IKBKB: variants seen among roughly 807,000 people sequenced by gnomAD.
The protein encoded by IKBKB is inhibitor of nuclear factor kappa-B kinase subunit beta.
IKBKB carries 42 observed loss-of-function variants against 113.6 expected under a neutral mutation model. The observed-to-expected ratio is 0.37, with a 90% CI of 0.29 to 0.48. The LOEUF (loss-of-function observed/expected upper bound fraction) is 0.48, where lower values mean the gene tolerates loss of function less well. Ranked by LOEUF, IKBKB falls within the 20% of genes least tolerant of loss-of-function variation. IKBKB has a pLI of 0.99. For missense variants in IKBKB, 673 were observed against 939.7 expected, an observed-to-expected ratio of 0.72 and a Z score of 3.71; for synonymous variants, 296 against 361.3, an observed-to-expected ratio of 0.82 and a Z score of 2.05.
chr8:42,314,436 C>T lies in IKBKB; in HGVS notation c.800+7C>T. On this transcript the variant is annotated splice_region_variant and intron_variant, in intron 9 of 21. Coordinates refer to ENST00000520810, the MANE Select transcript of IKBKB (RefSeq NM_001556.3). ...ACCCCAATAATCTTAACAGGTAAGG[C>T]ACAGCGGCATTACACGAATACATAT... is the stretch of plus-strand genomic sequence containing the variant. The T allele has an allele frequency of 6.6e-7, 1 of 1,525,236 alleles. No individual in the cohort carries two copies. The highest frequency in any genetic ancestry group is 1.1e-5 in the South Asian group (1 of 89,226). 94.5% of individuals were successfully genotyped at this position (1,525,236 alleles called of 1,614,324 possible).
intron 2 of IKBKB, among the ~76,000 whole-genome samples, chr8:42,274,015 C>T (rs993403054): frequency 2.0e-5 from 3 of 152,004 alleles, no homozygotes; most frequent in African/African-American, 7.3e-5. Context: ...TTTCTTCTGG[C>T]TATTTTGAAA....
chr8:42,312,016 A>T (rs1817806622), intron 8 of IKBKB, among the ~76,000 whole-genome samples: 2 of 152,054 alleles, frequency 1.3e-5, no homozygotes, highest in African/African-American at 4.8e-5. Flanking sequence ...CCTCCCGAGT[A>T]GCTGGGACTA....
At chr8:42,288,795 G>C in intron 3 of IKBKB, 67 bp downstream of exon 3, 1 of 1,332,784 alleles carries the variant, frequency 7.5e-7, no homozygotes, top group Non-Finnish European at 1.0e-6. Context: ...GTCTAGAAAG[G>C]AGAGTCTTGC....
chr8:42,283,495 A>G (rs1438971855), intron 2 of IKBKB, among the ~76,000 whole-genome samples: 1 of 152,220 alleles, frequency 6.6e-6, no homozygotes, highest in Non-Finnish European at 1.5e-5. Flanking sequence ...GAGGCAGCAG[A>G]GCCAGGGTCA....
intron 5 of IKBKB, among the ~76,000 whole-genome samples, chr8:42,299,389 C>A (rs529980097): frequency 2.0e-5 from 3 of 152,338 alleles, no homozygotes; most frequent in African/African-American, 7.2e-5. Flanking sequence ...CCATCACAGT[C>A]CACTCTTAGA....
chr8:42,317,675 T>C lies in IKBKB; in HGVS notation c.1144T>C (p.Leu382=), dbSNP rs1222745303. 1 of 1,612,922 alleles carries C rather than the reference T, an allele frequency of 6.2e-7. No homozygotes were observed. Among genetic ancestry groups the C allele is most frequent in the East Asian group, 2.2e-5 (1 of 44,868 alleles). ...SDGKLNEGHT[L]DMDLVFLFDN... ...TTTGCAGTTAAATGAGGGCCACACATTGGACATGGATCTTGTTTTTCTCTT... is the reference window on the plus strand; with the variant it reads ...TTTGCAGTTAAATGAGGGCCACACACTGGACATGGATCTTGTTTTTCTCTT... Residue 382 remains leucine, a synonymous_variant, in exon 12 of 22, where the codon TTG becomes CTG. Coordinates refer to ENST00000520810, the MANE Select transcript of IKBKB (RefSeq NM_001556.3).
chr8:42,330,943 A>C lies in IKBKB; in HGVS notation c.2235A>C (p.Glu745Asp), dbSNP rs774504811. Residue 745 changes from glutamate (E) to aspartate (D), a missense_variant, in exon 22 of 22, where the codon GAA (glutamate) becomes GAC (aspartate). Glu to Asp is a conservative substitution (Grantham distance 45). Transcript: ENST00000520810. ...TAGACTGGAGCTGGTTACAGACGGA[A>C]GAAGAAGAGCACAGCTGCCTGGAGC... ...TALDWSWLQTEEEEHSCLEQA... is the reference protein window; with the variant it reads ...TALDWSWLQTDEEEHSCLEQA... 4 of 1,614,218 alleles carry C rather than the reference A, an allele frequency of 2.5e-6. No individual in the cohort carries two copies. The highest frequency in any genetic ancestry group is 3.4e-6 in the Non-Finnish European group (4 of 1,180,014).
chr8:42,281,130 C>T (rs1810293426), intron 2 of IKBKB, among the ~76,000 whole-genome samples: 1 of 152,136 alleles, frequency 6.6e-6, no homozygotes, highest in Non-Finnish European at 1.5e-5. Flanking sequence ...GAGCTGGGTT[C>T]CCTGTCCGCA....
intron 4 of IKBKB, among the ~76,000 whole-genome samples, chr8:42,292,032 T>G (rs1812757005): frequency 6.6e-6 from 1 of 152,186 alleles, no homozygotes; most frequent in Non-Finnish European, 1.5e-5. Context: ...TCCCTGGAGA[T>G]AGGCATGTCC....
At chr8:42,318,723 T>A (rs1819188450) in intron 13 of IKBKB, 48 bp downstream of exon 13, 3 of 1,533,568 alleles carry the variant, frequency 2.0e-6, no homozygotes, top group South Asian at 1.2e-5. Context: ...TAAAATTCCT[T>A]GGTGGCTTTG....
intron 2 of IKBKB, among the ~76,000 whole-genome samples, chr8:42,280,977 A>C (rs891771707): frequency 6.6e-5 from 10 of 152,118 alleles, no homozygotes; most frequent in Non-Finnish European, 1.2e-4. Flanking sequence ...CCAGGAAAAA[A>C]GGGTCCCTGC....
chr8:42,272,482 A>T, intron 2 of IKBKB: 1 of 529,090 alleles, frequency 1.9e-6, no homozygotes, highest in Non-Finnish European at 3.3e-6. Context: ...AATATCATGT[A>T]CTAATATATA....
In IKBKB at chr8:42,316,647, G is replaced by A. The variant is rs1818729861; in HGVS notation, c.931-63G>A. 2 of 1,474,138 alleles carry A rather than the reference G, an allele frequency of 1.4e-6. No homozygotes were observed. Among genetic ancestry groups the A allele is most frequent in the African/African-American group, 2.8e-5 (2 of 72,186 alleles). 91.3% of individuals were successfully genotyped at this position (1,474,138 alleles called of 1,614,324 possible). A position where few individuals can be genotyped will look rare whatever the true frequency, so the allele number is the denominator to read the frequency against. Reference sequence around the variant, plus strand: ...TGGGAGTAGCAGAGAGAGGACCTAGGCAAATAGATGGGCATTTCCTTGAAG... The same window carrying A: ...TGGGAGTAGCAGAGAGAGGACCTAGACAAATAGATGGGCATTTCCTTGAAG... On this transcript the variant is annotated intron_variant, in intron 10 of 21. Transcript: ENST00000520810. The surrounding 1 kb of genome is among the most constrained non-coding windows in gnomAD (Gnocchi z 4.5).
intron 2 of IKBKB, among the ~76,000 whole-genome samples, chr8:42,274,683 C>T (rs1279440546): frequency 1.3e-5 from 2 of 150,930 alleles, no homozygotes; most frequent in Admixed American, 6.6e-5. Flanking sequence ...CAGGTGCCTG[C>T]CACCACACCT....
At chr8:42,329,087 A>C (rs1187432592) in intron 20 of IKBKB, 37 bp from the exon 21 acceptor site, 1 of 1,540,334 alleles carries the variant, frequency 6.5e-7, no homozygotes, top group Non-Finnish European at 8.9e-7. Flanking sequence ...GATAACTAAT[A>C]ATGACCACTT....
At chr8:42,299,203 G>T (rs17875745) in intron 5 of IKBKB, among the ~76,000 whole-genome samples, 2 of 152,258 alleles carry the variant, frequency 1.3e-5, no homozygotes, top group East Asian at 1.9e-4. Flanking sequence ...CCAAGTGTCC[G>T]TGTCGAACCT....
chr8:42,329,307 C>T, intron 21 of IKBKB, 93 bp downstream of exon 21: 1 of 1,445,112 alleles, frequency 6.9e-7, no homozygotes, highest in Non-Finnish European at 9.1e-7. Flanking sequence ...GCATTATCCT[C>T]AACCTCAGTG....
intron 5 of IKBKB, among the ~76,000 whole-genome samples, chr8:42,294,088 G>A (rs1813218418): frequency 1.3e-5 from 2 of 152,356 alleles, no homozygotes; most frequent in Admixed American, 6.5e-5. Flanking sequence ...CTGAGGGCTG[G>A]GCGCTAAAGG....
intron 19 of IKBKB, chr8:42,325,109 TG>T: frequency 2.1e-6 from 1 of 479,536 alleles, no homozygotes; most frequent in Non-Finnish European, 2.7e-6. Flanking sequence ...ATGGGTGGGT[TG>T]GGGACCATGC....
Sources: allele counts gnomAD v4.1 joint callset (sites outside exome capture counted in the v4.1 genomes callset), GRCh38; gene constraint gnomAD v4.1.1; non-coding constraint Gnocchi (gnomAD v3.1); transcripts MANE v1.5; gene names NCBI Gene and HGNC (gene_info 2026-07-23, HGNC 2026-07-21).